Variants in GALK2 observed in about 807,000 individuals in gnomAD.
GALK2 encodes N-acetylgalactosamine kinase.
GALK2 carries 36 observed loss-of-function variants against 52.4 expected under a neutral mutation model. The observed-to-expected ratio is 0.69, with a 90% CI of 0.53 to 0.91. The LOEUF is 0.91. Ranked by LOEUF, GALK2 falls within the 40% of genes least tolerant of loss-of-function variation. The pLI is 0.00. For synonymous variants in GALK2, 176 were observed against 199.1 expected (o/e 0.88, Z 0.98); for missense variants, 579 against 559.1 (o/e 1.04, Z -0.36).
chr15:49,206,605 A>G (rs530274723), intron 2 of GALK2, among the ~76,000 whole-genome samples: 1 of 151,544 alleles, frequency 6.6e-6, no homozygotes, highest in African/African-American at 2.4e-5. Flanking sequence ...TTTTGCAGCT[A>G]TTGTAAAAGG....
intron 1 of GALK2, among the ~76,000 whole-genome samples, chr15:49,187,588 GA>G (rs769277835): frequency 1.3e-5 from 2 of 152,130 alleles, no homozygotes; most frequent in African/African-American, 2.4e-5. Context: ...GGAACCTTAG[GA>G]ATCTACTTGG....
chr15:49,173,677 C>CT (rs1287244935), intron 1 of GALK2, among the ~76,000 whole-genome samples: 4 of 151,860 alleles, frequency 2.6e-5, no homozygotes, highest in East Asian at 1.9e-4. Context: ...TTTTTACTTA[C>CT]TTTTTTTCAC....
chr15:49,226,831 C>T (rs958562645), intron 3 of GALK2: 1 of 152,042 alleles, frequency 6.6e-6, no homozygotes, highest in Non-Finnish European at 1.5e-5. Flanking sequence ...TAATTTCTTC[C>T]TTGAGCTAGT....
intron 7 of GALK2, among the ~76,000 whole-genome samples, chr15:49,287,907 A>G (rs762357306): frequency 4.6e-5 from 7 of 151,910 alleles, no homozygotes; most frequent in Admixed American, 2.6e-4. Context: ...AATGCTAGCA[A>G]TTTCTTCTAT....
downstream of GALK2, among the ~76,000 whole-genome samples, chr15:49,336,031 C>A (rs1028686329): frequency 4.6e-5 from 7 of 152,106 alleles, no homozygotes; most frequent in Non-Finnish European, 1.0e-4. Flanking sequence ...GAACTTCAAA[C>A]TCCTGGGCTC....
chr15:49,232,844 G>A (rs1264261051), intron 3 of GALK2, among the ~76,000 whole-genome samples: 1 of 152,122 alleles, frequency 6.6e-6, no homozygotes, highest in Non-Finnish European at 1.5e-5. Flanking sequence ...TTTCATCTGA[G>A]ACCTTCTTAG....
At chr15:49,185,121 C>A (rs1345482304) in intron 1 of GALK2, among the ~76,000 whole-genome samples, 1 of 152,064 alleles carries the variant, frequency 6.6e-6, no homozygotes, top group Non-Finnish European at 1.5e-5. Context: ...CAACCCATAC[C>A]CCACTCCTCC....
chr15:49,305,862 A>G (rs1404342779), intron 8 of GALK2, among the ~76,000 whole-genome samples: 1 of 152,228 alleles, frequency 6.6e-6, no homozygotes, highest in Non-Finnish European at 1.5e-5. Context: ...TTCACTTCCC[A>G]ACTGGCTTCC....
chr15:49,315,469 T>A (rs925017455), intron 8 of GALK2, among the ~76,000 whole-genome samples: 4 of 152,300 alleles, frequency 2.6e-5, no homozygotes, highest in African/African-American at 9.6e-5. Context: ...GGTATCTGTA[T>A]AACAGAGACC....
chr15:49,337,508 C>CTTTTTTT (rs33973907), intron 3 of GALK2, among the ~76,000 whole-genome samples: 1 of 36,086 alleles, frequency 2.8e-5, no homozygotes, highest in Non-Finnish European at 5.0e-5. Context: ...CATTTACCCA[C>CTTTTTTT]TTTTTTTTTT....
intron 1 of GALK2, among the ~76,000 whole-genome samples, chr15:49,180,306 TA>T (rs2085859143): frequency 6.6e-6 from 1 of 152,186 alleles, no homozygotes; most frequent in Non-Finnish European, 1.5e-5. Flanking sequence ...TAACCCCTAT[TA>T]AGGCTAGCAG....
rs367795918 is a variant in GALK2, at chr15:49,331,668, C to T, written c.*3509C>T. On this transcript the variant is annotated 3_prime_UTR_variant, in exon 10 of 10. Transcript: ENST00000560031. ...ATTAAGTAACAAGAATGTATCCTCT[C>T]CTGCCACTGTAATTTGGGTGTGCCA... 4 of 686,998 alleles carry T rather than the reference C, an allele frequency of 5.8e-6. No homozygotes were observed. In the South Asian group the frequency reaches 6.9e-5, roughly 12 times the overall value. 42.6% of individuals were successfully genotyped at this position (686,998 alleles called of 1,614,324 possible).
At chr15:49,318,241 C>A (rs2151081304) in intron 8 of GALK2, 1 of 152,200 alleles carries the variant, frequency 6.6e-6, no homozygotes, top group African/African-American at 2.4e-5. Context: ...GCATTATAGA[C>A]ATAGCCATTG....
chr15:49,361,641 C>T (rs893765035), intron 3 of GALK2, among the ~76,000 whole-genome samples: 3 of 151,716 alleles, frequency 2.0e-5, no homozygotes, highest in Non-Finnish European at 4.4e-5. Context: ...TTTACCTAGT[C>T]CTGTTGATGG....
intron 8 of GALK2, among the ~76,000 whole-genome samples, chr15:49,317,736 A>G (rs8033311): frequency 0.23 from 34,844 of 152,146 alleles, 4,186 homozygotes; most frequent in South Asian, 0.27. Context: ...GCCATAAAAA[A>G]GGATGAGTTC....
rs1174406561 is a variant in GALK2, at chr15:49,228,687, A to ATTTTTTTTTTT, written c.267-7150_267-7140dup. 4.9e-4 allele frequency among the ~76,000 whole-genome samples: 7 copies of ATTTTTTTTTTT among 14,276 alleles called. 1 individual carries two copies. Among genetic ancestry groups the ATTTTTTTTTTT allele is most frequent in the African/African-American group, 6.8e-4 (2 of 2,924 alleles). The allele number at this position is 14,276 out of a possible 152,430, so 9.4% of individuals were successfully genotyped here. A position where few individuals can be genotyped will look rare whatever the true frequency, so the allele number is the denominator to read the frequency against. ...TATATATATATATATATATATATAT[A>ATTTTTTTTTTT]TTTTTTTTTTTTTTTTTTTTTTTTG... On this transcript the variant is annotated intron_variant, in intron 3 of 9. Transcript: ENST00000560031.
In GALK2 at chr15:49,241,101, A is replaced by G. The variant is rs186226729; in HGVS notation, c.504+1734A>G. Among the ~76,000 whole-genome samples, 3 of 152,194 alleles carry G rather than the reference A, an allele frequency of 2.0e-5. No individual in the cohort carries two copies. In the East Asian group the frequency reaches 5.8e-4, roughly 29 times the overall value. ...GGCTGGTATGATTCATTGGAATAAG[A>G]GATATGGGGGAAAAATAGGTTTGAG... On this transcript the variant is annotated intron_variant, in intron 5 of 9. Transcript: ENST00000560031.
At chr15:49,247,069 T>A (rs1371319345) in intron 5 of GALK2, among the ~76,000 whole-genome samples, 1 of 152,078 alleles carries the variant, frequency 6.6e-6, no homozygotes, top group Non-Finnish European at 1.5e-5. Flanking sequence ...TTAGGAGAAG[T>A]TCTCTCCGAG....
intron 1 of GALK2, among the ~76,000 whole-genome samples, chr15:49,186,087 T>A (rs182913866): frequency 3.3e-5 from 5 of 152,296 alleles, no homozygotes; most frequent in Non-Finnish European, 7.4e-5. Flanking sequence ...GAGGTAGTCT[T>A]ATTTGTGTTA....
Sources: gnomAD v4.1 joint callset for allele counts (sites outside exome capture counted in the v4.1 genomes callset) on GRCh38, gnomAD v4.1.1 for gene constraint, MANE v1.5 for transcripts, NCBI Gene and HGNC (gene_info 2026-07-23, HGNC 2026-07-21) for gene names.